Variants in RASSF3 observed in about 807,000 individuals in gnomAD.
The protein encoded by RASSF3 is ras association domain-containing protein 3.
In RASSF3, 19 loss-of-function variants were observed where a neutral mutation model predicts 19.9. That is an observed-to-expected ratio of 0.96 (90% CI 0.67 to 1.40). RASSF3 has a LOEUF of 1.40. RASSF3 is among the 40% of genes most tolerant of loss of function. RASSF3 has a pLI of 0.00. For synonymous variants in RASSF3, 110 were observed against 104.2 expected, an observed-to-expected ratio of 1.06 and a Z score of -0.34; for missense variants, 306 against 289.8, an observed-to-expected ratio of 1.06 and a Z score of -0.41.
At chr12:64,565,542 G>A (rs769944745) in intron 2 of RASSF3, among the ~76,000 whole-genome samples, 95 of 151,798 alleles carry the variant, frequency 6.3e-4, no homozygotes, top group Non-Finnish European at 1.3e-3. Context: ...GCGAAACCCC[G>A]TCTCTACTAA....
At chr12:64,560,017 C>A (rs1201071328) in intron 2 of RASSF3, among the ~76,000 whole-genome samples, 1 of 152,212 alleles carries the variant, frequency 6.6e-6, no homozygotes, top group Non-Finnish European at 1.5e-5. Context: ...GAGAGGGATG[C>A]ATTTTCATGG....
At chr12:64,547,771 C>A (rs958213381) in intron 2 of RASSF3, among the ~76,000 whole-genome samples, 19 of 152,132 alleles carry the variant, frequency 1.2e-4, no homozygotes, top group Non-Finnish European at 2.1e-4. Context: ...TCTTCCCCCC[C>A]ACAACCTTGA....
chr12:64,676,045 AT>A (rs1486727266), intron 1 of RASSF3, among the ~76,000 whole-genome samples: 10 of 152,128 alleles, frequency 6.6e-5, no homozygotes, highest in Non-Finnish European at 1.5e-4. Flanking sequence ...ACCATGGCAG[AT>A]TATCAACACT....
At chr12:64,613,169 C>T (rs1488061721) in intron 1 of RASSF3, among the ~76,000 whole-genome samples, 1 of 152,148 alleles carries the variant, frequency 6.6e-6, no homozygotes, top group Non-Finnish European at 1.5e-5. Context: ...GCAAAACACT[C>T]TTAATGTAGA....
chr12:64,509,428 C>T (rs766305089), intron 1 of RASSF3, among the ~76,000 whole-genome samples: 3 of 152,058 alleles, frequency 2.0e-5, no homozygotes, highest in Non-Finnish European at 2.9e-5. Flanking sequence ...CCAGCCTGGG[C>T]GACAGAGCAA....
intron 2 of RASSF3, among the ~76,000 whole-genome samples, chr12:64,569,440 G>A (rs918594755): frequency 3.9e-5 from 6 of 152,194 alleles, no homozygotes; most frequent in African/African-American, 1.4e-4. Context: ...CACACCTGTG[G>A]TGTTGGCCCC....
At chr12:64,607,495 G>A (rs965289688), upstream of RASSF3, among the ~76,000 whole-genome samples, 2 of 151,620 alleles carry the variant, frequency 1.3e-5, no homozygotes, top group South Asian at 2.1e-4. Flanking sequence ...TCAGCCTCCC[G>A]AATAGCTGGG....
At chr12:64,517,223 T>A (rs1371446049) in intron 1 of RASSF3, among the ~76,000 whole-genome samples, 1 of 152,012 alleles carries the variant, frequency 6.6e-6, no homozygotes, top group Non-Finnish European at 1.5e-5. Flanking sequence ...TAAAAATTCA[T>A]CTTAGGAACA....
At chr12:64,516,116 G>A (rs951500380) in intron 1 of RASSF3, among the ~76,000 whole-genome samples, 3 of 151,970 alleles carry the variant, frequency 2.0e-5, no homozygotes, top group Non-Finnish European at 4.4e-5. Context: ...TTTAATCTTA[G>A]TAAATAGAAA....
chr12:64,564,543 C>G (rs148174614), intron 2 of RASSF3, among the ~76,000 whole-genome samples: 8 of 151,916 alleles, frequency 5.3e-5, no homozygotes, highest in African/African-American at 1.9e-4. Flanking sequence ...CCACCATGCC[C>G]GGCTAATTTT....
At chr12:64,618,777 A>G (rs1473943003) in intron 1 of RASSF3, among the ~76,000 whole-genome samples, 1 of 152,216 alleles carries the variant, frequency 6.6e-6, no homozygotes, top group East Asian at 1.9e-4. Context: ...AGAAGTGACC[A>G]TTCTAAAACT....
chr12:64,671,986 G>C (rs1370725779), intron 1 of RASSF3, among the ~76,000 whole-genome samples: 2 of 152,212 alleles, frequency 1.3e-5, no homozygotes, highest in African/African-American at 4.8e-5. Context: ...ATGGGAACAA[G>C]AGTGACATAA....
intron 1 of RASSF3, among the ~76,000 whole-genome samples, chr12:64,512,542 G>A (rs1868334352): frequency 6.6e-6 from 1 of 152,140 alleles, no homozygotes; most frequent in African/African-American, 2.4e-5. Context: ...TTTTTCCTCT[G>A]CAAGGAGAGA....
chr12:64,538,430 T>G (rs1024544531), intron 1 of RASSF3, among the ~76,000 whole-genome samples: 14 of 152,184 alleles, frequency 9.2e-5, no homozygotes, highest in Non-Finnish European at 2.1e-4. Flanking sequence ...GGTTAGGACT[T>G]CAACATCTGA....
intron 1 of RASSF3, among the ~76,000 whole-genome samples, chr12:64,638,148 A>G (rs1443315046): frequency 1.3e-5 from 2 of 152,142 alleles, no homozygotes; most frequent in Admixed American, 6.5e-5. Context: ...ATATATCTCT[A>G]CTGAAGAATG....
chr12:64,611,067 T>TC (rs1870340958), intron 1 of RASSF3, among the ~76,000 whole-genome samples: 1 of 152,058 alleles, frequency 6.6e-6, no homozygotes, highest in African/African-American at 2.4e-5. Flanking sequence ...CCCGGGCCAC[T>TC]CCCCCAGGTT....
At chr12:64,560,204 A>G (rs1222002431) in intron 2 of RASSF3, among the ~76,000 whole-genome samples, 1 of 152,200 alleles carries the variant, frequency 6.6e-6, no homozygotes, top group Non-Finnish European at 1.5e-5. Flanking sequence ...GATTCCTCCA[A>G]ACAGGGCCCT....
chr12:64,639,120 A>C (rs771208615), intron 1 of RASSF3, among the ~76,000 whole-genome samples: 1 of 152,206 alleles, frequency 6.6e-6, no homozygotes, highest in Non-Finnish European at 1.5e-5. Context: ...CTGAGGATTA[A>C]GAAATTATTT....
chr12:64,641,772 C>T lies in RASSF3; in HGVS notation c.111+31029C>T, dbSNP rs541039250. ...GATTTTTTTTTTTTGGATGGAGTTT[C>T]GCCCTTGTTGCCCAGGCTAGAGTGC... On this transcript the variant is annotated intron_variant, in intron 1 of 4. Transcript: ENST00000542104. Among the ~76,000 whole-genome samples, 10 of 149,446 alleles carry T rather than the reference C, an allele frequency of 6.7e-5. No homozygotes were observed. In the East Asian group the frequency reaches 2.0e-3, roughly 30 times the overall value.
Sources: gnomAD v4.1 joint callset for allele counts (sites outside exome capture counted in the v4.1 genomes callset) on GRCh38, gnomAD v4.1.1 for gene constraint, MANE v1.5 for transcripts, NCBI Gene and HGNC (gene_info 2026-07-23, HGNC 2026-07-21) for gene names.